ADGRB2: variants seen among roughly 807,000 people sequenced by gnomAD.
ADGRB2 encodes the protein adhesion G protein-coupled receptor B2, also known as brain-specific angiogenesis inhibitor 2.
In ADGRB2, 47 loss-of-function variants were observed where a neutral mutation model predicts 178.7. The observed-to-expected ratio is 0.26, with a 90% CI of 0.21 to 0.34. The LOEUF is 0.34. Among genes scored for constraint, ADGRB2 ranks in the 10% least tolerant of loss-of-function variants. The pLI is 1.00. For missense variants in ADGRB2, 1,584 were observed against 2,180.8 expected (o/e 0.73, Z 5.45); for synonymous variants, 870 against 912.4 (o/e 0.95, Z 0.84).
intron 1 of ADGRB2, among the ~76,000 whole-genome samples, chr1:31,763,376 G>A (rs1221200139): frequency 6.6e-6 from 1 of 151,566 alleles, no homozygotes. Flanking sequence ...AGAAACTATG[G>A]GCAGACATGG....
Position 31,740,593 on chromosome 1 carries a change from G to A in ADGRB2, c.1795-52C>T, listed in dbSNP as rs1645887253. 1 of 1,507,466 alleles carries A rather than the reference G, an allele frequency of 6.6e-7. No individual in the cohort carries two copies. The highest frequency in any genetic ancestry group is 8.9e-7 in the Non-Finnish European group (1 of 1,124,490). The allele number at this position is 1,507,466 out of a possible 1,614,324, so 93.4% of individuals were successfully genotyped here. A position where few individuals can be genotyped will look rare whatever the true frequency, so the allele number is the denominator to read the frequency against. ...ACTGAAGTGTCAGGAGCTGGAACCA[G>A]ACCCTGGCCCATCCCACTCCAGTCC... On this transcript the variant is annotated intron_variant, in intron 11 of 32. Transcript: ENST00000373658. The surrounding 1 kb of genome is among the most constrained non-coding windows in gnomAD (Gnocchi z 5.9).
At position 31,741,442 on chromosome 1, in the gene ADGRB2, G is replaced by T. The variant is rs149204497; in HGVS notation, c.1725C>A (p.Gly575=). The T allele has an allele frequency of 1.9e-6, 3 of 1,604,322 alleles. No homozygotes were observed. The highest frequency in any genetic ancestry group is 2.6e-6 in the Non-Finnish European group (3 of 1,175,584). The change falls in exon 11 of 33, where the codon GGC becomes GGA. Residue 575 remains glycine (G), a synonymous_variant. Coordinates refer to ENST00000373658, the MANE Select transcript of ADGRB2 (RefSeq NM_001364857.2). This position sits in a 1 kb window ranked among gnomAD's most constrained non-coding sequence, Gnocchi z 6.5. ...AGCTGGGCAGCCCCCAGTACGCCAC[G>T]CCTTGGGCACTGAGGAGACAGCGGC... ...ASRRCLLSAQ[G]VAYWGLPSFA... is the part of the protein sequence containing the mutation.
At position 31,728,803 on chromosome 1, in the gene ADGRB2, A is replaced by AC. The variant is rs1645128108; in HGVS notation, c.4381-171_4381-170insG. ...TGGGGCAGCTTTTCAGGCCTCACTG[A>AC]ACACACACACACACACACACACACA... On this transcript the variant is annotated intron_variant, in intron 29 of 32. Coordinates refer to ENST00000373658, the MANE Select transcript of ADGRB2 (RefSeq NM_001364857.2). The surrounding 1 kb of genome is among the most constrained non-coding windows in gnomAD (Gnocchi z 6.7). Among the ~76,000 whole-genome samples the AC allele has an allele frequency of 8.7e-6, 1 of 115,436 alleles. No individual in the cohort carries two copies. Among genetic ancestry groups the AC allele is most frequent in the Non-Finnish European group, 1.8e-5 (1 of 54,906 alleles). 75.7% of individuals were successfully genotyped at this position (115,436 alleles called of 152,430 possible).
chr1:31,734,709 A>G (rs994318803), intron 25 of ADGRB2, among the ~76,000 whole-genome samples: 2 of 152,182 alleles, frequency 1.3e-5, no homozygotes, highest in Non-Finnish European at 2.9e-5. Flanking sequence ...TCTCCAATTG[A>G]GTGTGAGATT....
chr1:31,762,069 A>AAGGG (rs1371451151), intron 1 of ADGRB2, among the ~76,000 whole-genome samples: 1 of 141,492 alleles, frequency 7.1e-6, no homozygotes, highest in East Asian at 2.5e-4. Context: ...TGGGGGTGGG[A>AAGGG]AGGGAGGGAG....
rs1553185114 is a variant in ADGRB2 at position 31,740,895 on chromosome 1, G to GCGCACACACA, written c.1795-355_1795-354insTGTGTGTGCG. ...AATGAGCATGTGTGTGGGCGCGCGC[G>GCGCACACACA]CACACACACACACACACACACACAC... On this transcript the variant is annotated intron_variant, in intron 11 of 32. Transcript: ENST00000373658. This position sits in a 1 kb window ranked among gnomAD's most constrained non-coding sequence, Gnocchi z 5.9. 9.6e-3 allele frequency among the ~76,000 whole-genome samples: 1,348 copies of GCGCACACACA among 140,478 alleles called. 14 individuals are homozygous for GCGCACACACA. Among genetic ancestry groups the GCGCACACACA allele is most frequent in the Non-Finnish European group, 0.014 (927 of 64,872 alleles). The allele number at this position is 140,478 out of a possible 152,430, so 92.2% of individuals were successfully genotyped here.
chr1:31,756,378 G>A lies in ADGRB2; in HGVS notation c.459C>T (p.Phe153=), dbSNP rs145737846. 50 of 1,612,888 alleles carry A rather than the reference G, an allele frequency of 3.1e-5. No individual in the cohort carries two copies. Among genetic ancestry groups the A allele is most frequent in the Admixed American group, 8.3e-5 (5 of 59,996 alleles). ...SGSGPFTFLH[F]DKNFVQLCLS... ...GGCACAGCTGCACGAAGTTCTTGTC[G>A]AAGTGCAGGAAGGTAAAGGGGCCTG... The change falls in exon 4 of 33, where the codon TTC becomes TTT. Residue 153 remains phenylalanine (F), a synonymous_variant. Transcript: ENST00000373658. The surrounding 1 kb of genome is among the most constrained non-coding windows in gnomAD (Gnocchi z 8.5).
Position 31,744,216 on chromosome 1 carries a change from C to T in ADGRB2, c.1064G>A (p.Cys355Tyr). 1 of 1,537,428 alleles carries T rather than the reference C, an allele frequency of 6.5e-7. No individual in the cohort carries two copies. The highest frequency in any genetic ancestry group is 1.2e-5 in the South Asian group (1 of 83,380). ...ACCTGGGCAGGTGGCTGAATTGTTG[C>T]AGGGCCTGGTCTCCCGCAGGGGCCC... ...CSGPLRETRP[C>Y]NNSATCPVHG... Residue 355 changes from cysteine to tyrosine, a missense_variant, in exon 6 of 33, where the codon TGC becomes TAC. Transcript: ENST00000373658. This position sits in a 1 kb window ranked among gnomAD's most constrained non-coding sequence, Gnocchi z 6.7.
intron 4 of ADGRB2, among the ~76,000 whole-genome samples, chr1:31,745,225 C>G (rs1646212581): frequency 6.6e-6 from 1 of 152,224 alleles, no homozygotes; most frequent in Non-Finnish European, 1.5e-5. Context: ...CCAAGCTGAG[C>G]TGCTGCAACC....
Position 31,741,559 on chromosome 1 carries a change from G to A in ADGRB2, c.1687+65C>T, listed in dbSNP as rs1282995844. On this transcript the variant is annotated intron_variant, in intron 10 of 32. Coordinates refer to ENST00000373658, the MANE Select transcript of ADGRB2 (RefSeq NM_001364857.2). The surrounding 1 kb of genome is among the most constrained non-coding windows in gnomAD (Gnocchi z 6.5). ...TCCTCCGTATCTCAGAGAGGCTGGG[G>A]GCGCAGAAGGGGGCAATGAGAATGG... 6.9e-6 allele frequency: 11 copies of A among 1,596,720 alleles called. No individual in the cohort carries two copies. The highest frequency in any genetic ancestry group is 9.4e-6 in the Non-Finnish European group (11 of 1,168,220).
At chr1:31,763,458 C>T (rs540157920) in intron 1 of ADGRB2, among the ~76,000 whole-genome samples, 1 of 127,672 alleles carries the variant, frequency 7.8e-6, no homozygotes, top group African/African-American at 3.1e-5. Flanking sequence ...CAGACCGTGA[C>T]GGGAAATAGA....
rs1645894219 is a variant in ADGRB2, at chr1:31,740,704, AAG to A, written c.1795-165_1795-164del. On this transcript the variant is annotated intron_variant, in intron 11 of 32. Transcript: ENST00000373658. The surrounding 1 kb of genome is among the most constrained non-coding windows in gnomAD (Gnocchi z 5.9). ...CACACAGGGGAGACAGAGTCCGAGA[AAG>A]AGACTCATAGAGAGAGAGAGAATCC... is the stretch of plus-strand genomic sequence containing the variant. 6.6e-6 allele frequency among the ~76,000 whole-genome samples: 1 copy of A among 152,104 alleles called. No homozygotes were observed. Among genetic ancestry groups the A allele is most frequent in the Non-Finnish European group, 1.5e-5 (1 of 68,026 alleles).
chr1:31,743,926 C>T (rs1439530119), intron 6 of ADGRB2, among the ~76,000 whole-genome samples: 2 of 152,338 alleles, frequency 1.3e-5, no homozygotes, highest in East Asian at 1.9e-4. Flanking sequence ...GGTAAAAACA[C>T]GAGCCTTGGT....
intron 20 of ADGRB2, among the ~76,000 whole-genome samples, 189 bp from the exon 21 acceptor site, chr1:31,736,912 C>A (rs1645640365): frequency 6.6e-6 from 1 of 152,200 alleles, no homozygotes; most frequent in African/African-American, 2.4e-5. Context: ...GTGACACACA[C>A]ACAGCACTCG....
rs1264595936 is a variant in ADGRB2 at position 31,761,649 on chromosome 1, C to T, written c.-191+2235G>A. Reference sequence around the variant, plus strand: ...CCAAGGAGGAGATGAGGGAAACTGACAGTCACTGGCTCCCCCTGCACCCAT... The same window carrying T: ...CCAAGGAGGAGATGAGGGAAACTGATAGTCACTGGCTCCCCCTGCACCCAT... On this transcript the variant is annotated intron_variant, in intron 1 of 32. Transcript: ENST00000373658. The surrounding 1 kb of genome is among the most constrained non-coding windows in gnomAD (Gnocchi z 4.2). Among the ~76,000 whole-genome samples the T allele has an allele frequency of 6.6e-6, 1 of 152,182 alleles. No homozygotes were observed.
At chr1:31,732,079 C>G in intron 28 of ADGRB2, 36 bp downstream of exon 28, 1 of 1,613,756 alleles carries the variant, frequency 6.2e-7, no homozygotes. Flanking sequence ...TTCTCCAACC[C>G]CAGGACCATT....
At chr1:31,739,024 A>G (rs2148940121) in intron 15 of ADGRB2, 87 bp from the exon 16 acceptor site, 1 of 1,219,180 alleles carries the variant, frequency 8.2e-7, no homozygotes, top group East Asian at 2.3e-5. Flanking sequence ...GGGTGTGCAG[A>G]GGCTTCCAAG....
rs369676902 is a variant in ADGRB2 at position 31,759,307 on chromosome 1, G to T, written c.-190-1796C>A. The T allele has an allele frequency of 2.6e-6, 2 of 779,552 alleles. No homozygotes were observed. Among genetic ancestry groups the T allele is most frequent in the South Asian group, 2.7e-5 (2 of 74,598 alleles). 48.3% of individuals were successfully genotyped at this position (779,552 alleles called of 1,614,324 possible). The stretch of plus-strand genomic sequence containing the variant: ...TGCACAGAGGTGCACACGCATTCTC[G>T]ACTGAGAACACACATGAGTATCTGG... On this transcript the variant is annotated intron_variant, in intron 1 of 32. Transcript: ENST00000373658. The surrounding 1 kb of genome is among the most constrained non-coding windows in gnomAD (Gnocchi z 4.3).
rs1569946421 is a variant in ADGRB2 at position 31,744,562 on chromosome 1, C to T, written c.922+86G>A. On this transcript the variant is annotated intron_variant, in intron 5 of 32. Coordinates refer to ENST00000373658, the MANE Select transcript of ADGRB2 (RefSeq NM_001364857.2). The surrounding 1 kb of genome is among the most constrained non-coding windows in gnomAD (Gnocchi z 6.7). ...ACGCGACTGAACTGCAGGACAGAGACAGACAGGCACACACCAAGCACACAC... is the reference window on the plus strand; with the variant it reads ...ACGCGACTGAACTGCAGGACAGAGATAGACAGGCACACACCAAGCACACAC... 6.6e-7 allele frequency: 1 copy of T among 1,519,784 alleles called. No homozygotes were observed. The highest frequency in any genetic ancestry group is 2.4e-5 in the East Asian group (1 of 41,594). 94.1% of individuals were successfully genotyped at this position (1,519,784 alleles called of 1,614,324 possible). A position where few individuals can be genotyped will look rare whatever the true frequency, so the allele number is the denominator to read the frequency against.
Sources: gnomAD v4.1 joint callset for allele counts (sites outside exome capture counted in the v4.1 genomes callset) on GRCh38, gnomAD v4.1.1 for gene constraint, Gnocchi (gnomAD v3.1) non-coding constraint, MANE v1.5 for transcripts, NCBI Gene and HGNC (gene_info 2026-07-23, HGNC 2026-07-21) for gene names.